Variants in SLC5A11 observed in about 807,000 individuals in gnomAD.
SLC5A11 encodes sodium/myo-inositol cotransporter 2.
In SLC5A11, 48 loss-of-function variants were observed where a neutral mutation model predicts 69.8. The observed-to-expected ratio is 0.69, with a 90% CI of 0.55 to 0.87. SLC5A11 has a LOEUF of 0.87. Ranked by LOEUF, SLC5A11 falls within the 40% of genes least tolerant of loss-of-function variation. The pLI, the probability that SLC5A11 is intolerant of heterozygous loss-of-function variation, is 0.00. For missense variants in SLC5A11, 784 were observed against 866.1 expected, an observed-to-expected ratio of 0.91 and a Z score of 1.19; for synonymous variants, 319 against 342.4, an observed-to-expected ratio of 0.93 and a Z score of 0.75.
At chr16:24,891,173 T>C in intron 9 of SLC5A11, 99 bp downstream of exon 10, 1 of 1,214,258 alleles carries the variant, frequency 8.2e-7, no homozygotes, top group Non-Finnish European at 1.2e-6. Context: ...TCTTCTCTCA[T>C]TTGCGTTTTC....
chr16:24,901,104 A>G (rs1346885779), intron 10 of SLC5A11, among the ~76,000 whole-genome samples: 1 of 152,126 alleles, frequency 6.6e-6, no homozygotes, highest in African/African-American at 2.4e-5. Flanking sequence ...AACTTGCATA[A>G]GCCATTTAAT....
At chr16:24,856,951 G>C (rs1045584614) in intron 1 of SLC5A11, among the ~76,000 whole-genome samples, 6 of 152,022 alleles carry the variant, frequency 3.9e-5, no homozygotes, top group Non-Finnish European at 8.8e-5. Flanking sequence ...CTCCTGAGTA[G>C]CTGGGACTAC....
chr16:24,872,022 C>T, intron 4 of SLC5A11, 138 bp from the exon 6 acceptor site: 1 of 946,220 alleles, frequency 1.1e-6, no homozygotes, highest in South Asian at 1.4e-5. Context: ...AAGGCCAGCA[C>T]AGGTGAACCA....
At chr16:24,869,654 G>T (rs1014887149) in intron 3 of SLC5A11, among the ~76,000 whole-genome samples, 4 of 152,164 alleles carry the variant, frequency 2.6e-5, no homozygotes, top group Non-Finnish European at 5.9e-5. Flanking sequence ...GGTGCAATCT[G>T]CATTTTAGGC....
chr16:24,907,224 C>T, intron 12 of SLC5A11, 49 bp downstream of exon 13: 1 of 1,601,278 alleles, frequency 6.2e-7, no homozygotes, highest in Non-Finnish European at 8.5e-7. Context: ...GAGAGCTGAG[C>T]CCACCCAGAG....
chr16:24,907,850 C>T (rs367611567), intron 12 of SLC5A11, 113 bp from the exon 14 acceptor site: 64 of 1,405,134 alleles, frequency 4.6e-5, no homozygotes, highest in East Asian at 4.0e-4. Context: ...CTCACCACTG[C>T]ACCCCGGCCT....
exon 13 of SLC5A11, chr16:24,907,984 C>A: frequency 6.2e-7 from 1 of 1,614,096 alleles, no homozygotes; most frequent in South Asian, 1.1e-5. Context: ...TGCTGCTGGT[C>A]CTGGTCTCCA....
chr16:24,875,725 G>A, exon 6 of SLC5A11: 1 of 1,613,460 alleles, frequency 6.2e-7, no homozygotes, highest in Non-Finnish European at 8.5e-7. Context: ...TCTTCACCAA[G>A]ATCTCGGTAA....
At chr16:24,859,392 AG>A (rs1169693809) in intron 2 of SLC5A11, 1 of 152,106 alleles carries the variant, frequency 6.6e-6, no homozygotes, top group Non-Finnish European at 1.5e-5. Context: ...CTCCCATCTT[AG>A]CCTCCCAAAG....
intron 7 of SLC5A11, among the ~76,000 whole-genome samples, chr16:24,880,696 GA>G (rs1366680952): frequency 1.3e-5 from 2 of 152,068 alleles, no homozygotes; most frequent in Non-Finnish European, 2.9e-5. Flanking sequence ...CAGCACTGGG[GA>G]TGGTGCTGAA....
At chr16:24,890,848 T>C in intron 8 of SLC5A11, 21 bp from the exon 10 acceptor site, 1 of 1,612,936 alleles carries the variant, frequency 6.2e-7, no homozygotes, top group Non-Finnish European at 8.5e-7. Context: ...TCCCGGAAAA[T>C]AGGCTTCCTC....
rs2059549134 is a variant in SLC5A11 at position 24,856,668 on chromosome 16, G to A, written c.-24-1952G>A. On this transcript the variant is annotated intron_variant, in intron 1 of 15. Coordinates refer to ENST00000347898, the Ensembl canonical transcript of SLC5A11. ...CGCCTGTAGTCCCAGCTACTCAGGA[G>A]GCTGAGGCAGGAGAATGGTGTGAAC... is the stretch of plus-strand genomic sequence containing the variant. Among the ~76,000 whole-genome samples the A allele has an allele frequency of 4.7e-5, 7 of 149,368 alleles. No homozygotes were observed. The Admixed American group carries it at 4.7e-4, about 10-fold the overall frequency.
intron 9 of SLC5A11, among the ~76,000 whole-genome samples, chr16:24,892,248 G>T (rs963791305): frequency 6.6e-6 from 1 of 151,684 alleles, no homozygotes; most frequent in South Asian, 2.1e-4. Flanking sequence ...ATAATGTAGG[G>T]TGCTGAGGGG....
intron 3 of SLC5A11, among the ~76,000 whole-genome samples, chr16:24,868,724 CAG>C (rs1228327237): frequency 1.3e-5 from 2 of 152,002 alleles, no homozygotes; most frequent in Non-Finnish European, 2.9e-5. Flanking sequence ...TGATAAGAAG[CAG>C]AGACAGGAAA....
In SLC5A11 at chr16:24,888,449, G is replaced by A. The variant is rs373118475; in HGVS notation, c.665-2420G>A. On this transcript the variant is annotated intron_variant, in intron 8 of 15. Transcript: ENST00000347898. ...TTAGAAAAAAGAAGATGACATTATGGGTTACTCCAGTTACTCCAGTATCTA... is the reference window on the plus strand; with the variant it reads ...TTAGAAAAAAGAAGATGACATTATGAGTTACTCCAGTTACTCCAGTATCTA... Among the ~76,000 whole-genome samples the A allele has an allele frequency of 2.1e-3, 314 of 150,452 alleles. 14 individuals are homozygous for A. In the South Asian group the frequency reaches 0.063, roughly 30 times the overall value.
chr16:24,909,466 C>T (rs2050329105), intron 14 of SLC5A11, among the ~76,000 whole-genome samples: 1 of 151,530 alleles, frequency 6.6e-6, no homozygotes, highest in South Asian at 2.1e-4. Context: ...ATAGTGAGAT[C>T]CCGTCTCTTA....
chr16:24,863,424 T>C (rs954155048), intron 3 of SLC5A11, among the ~76,000 whole-genome samples: 2 of 152,234 alleles, frequency 1.3e-5, no homozygotes, highest in African/African-American at 4.8e-5. Flanking sequence ...GTTTTTGTTT[T>C]AACCAGGTAG....
At chr16:24,853,351 G>A (rs1003139875) in intron 1 of SLC5A11, among the ~76,000 whole-genome samples, 2 of 152,088 alleles carry the variant, frequency 1.3e-5, no homozygotes, top group Non-Finnish European at 2.9e-5. Flanking sequence ...CATAGTTGAT[G>A]CCTAATAACA....
chr16:24,901,608 TA>T (rs963919869), intron 10 of SLC5A11, among the ~76,000 whole-genome samples: 2 of 151,516 alleles, frequency 1.3e-5, no homozygotes, highest in African/African-American at 2.4e-5. Context: ...AGACCTTGTT[TA>T]AAAAAAATCA....
Sources: gnomAD v4.1 joint callset for allele counts (sites outside exome capture counted in the v4.1 genomes callset) on GRCh38, gnomAD v4.1.1 for gene constraint, MANE v1.5 for transcripts, NCBI Gene and HGNC (gene_info 2026-07-23, HGNC 2026-07-21) for gene names.